DOCK8: variants seen among roughly 807,000 people sequenced by gnomAD.
The protein encoded by DOCK8 is dedicator of cytokinesis protein 8.
Under a neutral mutation model 245.6 loss-of-function variants are expected in DOCK8, and 141 were observed. That is an observed-to-expected ratio of 0.57 (90% confidence interval 0.50 to 0.66). The LOEUF is 0.66. Ranked by LOEUF, DOCK8 falls within the 30% of genes least tolerant of loss-of-function variation. DOCK8 has a pLI of 0.00. For missense variants in DOCK8, 2,965 were observed against 2,603.4 expected (o/e 1.14, Z -3.02); for synonymous variants, 1,168 against 970.2 (o/e 1.20, Z -3.79).
At chr9:425,965 G>A (rs1291605666) in intron 33 of DOCK8, among the ~76,000 whole-genome samples, 3 of 151,986 alleles carry the variant, frequency 2.0e-5, no homozygotes, top group Non-Finnish European at 2.9e-5. Flanking sequence ...TTAATGGGAC[G>A]CAAGAACAGG....
intron 4 of DOCK8, among the ~76,000 whole-genome samples, chr9:298,793 T>C (rs185066306): frequency 3.3e-5 from 5 of 152,278 alleles, no homozygotes; most frequent in African/African-American, 1.2e-4. Flanking sequence ...TTTAGGTAGC[T>C]GCTTCCTAAT....
In DOCK8 at chr9:377,185, A is replaced by G. The variant is rs1460321817; in HGVS notation, c.2414A>G (p.Gln805Arg). 6.2e-7 allele frequency: 1 copy of G among 1,600,042 alleles called. No homozygotes were observed. Among genetic ancestry groups the G allele is most frequent in the South Asian group, 1.1e-5 (1 of 90,324 alleles). ...VLDKLFQLSV[Q>R]PMVIAGQTAN... ...GACAAGCTCTTCCAGCTGTCCGTGC[A>G]GCCCATGGTCATCGCTGGCCAGACA... The change falls in exon 20 of 48, where the codon CAG (glutamine) becomes CGG (arginine). Residue 805 changes from glutamine to arginine, a missense_variant. By Grantham distance (43) the Gln-to-Arg change is conservative. Coordinates refer to ENST00000432829, the MANE Select transcript of DOCK8 (RefSeq NM_203447.4).
rs575314722 is a variant in DOCK8, at chr9:304,646, C to T, written c.470C>T (p.Thr157Met). Residue 157 changes from threonine (T) to methionine (M), a missense_variant, in exon 5 of 48, where the codon ACG (threonine) becomes ATG (methionine). Thr to Met is a moderately conservative substitution (Grantham distance 81). This residue lies in a region of DOCK8 where 2,825 missense variants were observed against 2,453.5 expected (regional missense o/e 1.15). Coordinates refer to ENST00000432829, the MANE Select transcript of DOCK8 (RefSeq NM_203447.4). ...GGATCTCGAAAAGATTTTCACAAGA[C>T]GCTTCCGAAACAGACGTTTGAGTCG... ...KTGSRKDFHKTLPKQTFESET... is the reference protein window; with the variant it reads ...KTGSRKDFHKMLPKQTFESET... 344 of 1,614,182 alleles carry T rather than the reference C, an allele frequency of 2.1e-4. 8 individuals are homozygous for T. The South Asian group carries it at 3.4e-3, about 16-fold the overall frequency.
intron 4 of DOCK8, among the ~76,000 whole-genome samples, chr9:303,283 G>C (rs947027407): frequency 3.9e-5 from 6 of 152,252 alleles, no homozygotes; most frequent in Non-Finnish European, 5.9e-5. Flanking sequence ...TCCCACTACT[G>C]GGTCTATACC....
At chr9:310,870 C>A (rs956046849) in intron 5 of DOCK8, among the ~76,000 whole-genome samples, 1 of 152,118 alleles carries the variant, frequency 6.6e-6, no homozygotes, top group African/African-American at 2.4e-5. Flanking sequence ...GACATTCACA[C>A]CTTTGTGATG....
intron 4 of DOCK8, among the ~76,000 whole-genome samples, chr9:298,144 G>T (rs1472300796): frequency 5.3e-5 from 8 of 152,200 alleles, no homozygotes; most frequent in African/African-American, 9.7e-5. Flanking sequence ...TGATTTTAGG[G>T]CCAGGTGGGG....
chr9:432,002 T>C (rs967228037), intron 36 of DOCK8, among the ~76,000 whole-genome samples, 164 bp from the exon 37 acceptor site: 1 of 152,192 alleles, frequency 6.6e-6, no homozygotes, highest in Non-Finnish European at 1.5e-5. Context: ...AATATGAATG[T>C]TGTGCAAAGT....
chr9:449,859 C>G lies in DOCK8; in HGVS notation c.5893C>G (p.Gln1965Glu). ...KTLQLAVAIN[Q>E]EPPDAKMLQM... ...CCTGCAGTTAGCAGTTGCCATTAAC[C>G]AGGAGCCGCCTGATGCAAAGATGCT... Residue 1965 changes from glutamine to glutamate, a missense_variant, in exon 45 of 48, where the codon CAG becomes GAG. Around this residue, in one of 3 missense-constraint regions of DOCK8, gnomAD observed 2,825 missense variants for 2,453.5 expected, o/e 1.15. Coordinates refer to ENST00000432829, the MANE Select transcript of DOCK8 (RefSeq NM_203447.4). 2.5e-6 allele frequency: 4 copies of G among 1,613,716 alleles called. No individual in the cohort carries two copies. Among genetic ancestry groups the G allele is most frequent in the Non-Finnish European group, 3.4e-6 (4 of 1,180,032 alleles).
intron 1 of DOCK8, among the ~76,000 whole-genome samples, chr9:251,119 G>A (rs2047634687): frequency 6.6e-6 from 1 of 152,128 alleles, no homozygotes; most frequent in Admixed American, 6.5e-5. Context: ...AAACATGAAT[G>A]CAATTTCTGT....
At chr9:374,123 A>G (rs755189038) in intron 18 of DOCK8, among the ~76,000 whole-genome samples, 1 of 152,210 alleles carries the variant, frequency 6.6e-6, no homozygotes, top group Non-Finnish European at 1.5e-5. Context: ...ATGCTTGCCA[A>G]ACAACAAACT....
intron 2 of DOCK8, among the ~76,000 whole-genome samples, chr9:274,636 A>G (rs1470592017): frequency 6.6e-6 from 1 of 150,852 alleles, no homozygotes; most frequent in Admixed American, 6.6e-5. Context: ...GAAATCATCA[A>G]CTTATGTGGT....
At position 307,338 on chromosome 9, in the gene DOCK8, G is replaced by GTTTTTTT. The variant is rs1165775428; in HGVS notation, c.528+2666_528+2672dup. Among the ~76,000 whole-genome samples, 75 of 51,194 alleles carry GTTTTTTT rather than the reference G, an allele frequency of 1.5e-3. 2 individuals carry two copies. The highest frequency in any genetic ancestry group is 2.0e-3 in the African/African-American group (34 of 17,316). The allele number at this position is 51,194 out of a possible 152,430, so 33.6% of individuals were successfully genotyped here. A position where few individuals can be genotyped will look rare whatever the true frequency, so the allele number is the denominator to read the frequency against. On this transcript the variant is annotated intron_variant, in intron 5 of 47. Transcript: ENST00000432829. ...CACTGTGTTGTGTGTGGTTTTTTTT[G>GTTTTTTT]TTTTTTTTTTTTTTTTTTTTTTTTT...
intron 1 of DOCK8, among the ~76,000 whole-genome samples, chr9:222,221 C>T (rs1165277033): frequency 2.6e-5 from 4 of 151,802 alleles, no homozygotes; most frequent in Non-Finnish European, 5.9e-5. Context: ...TATGATTGCG[C>T]CACTACTCTC....
chr9:303,970 C>G (rs1171428507), intron 4 of DOCK8, among the ~76,000 whole-genome samples: 1 of 152,080 alleles, frequency 6.6e-6, no homozygotes, highest in South Asian at 2.1e-4. Context: ...CATGTTTTAC[C>G]TTTCTTATGA....
chr9:220,717 C>CTTTTT (rs3046368), intron 1 of DOCK8: 36 of 360,446 alleles, frequency 1.0e-4, no homozygotes, highest in South Asian at 1.7e-4. Flanking sequence ...TAATTTCTTT[C>CTTTTT]TTTTTTTTTT....
At chr9:432,455 T>C in intron 37 of DOCK8, 131 bp downstream of exon 37, 1 of 896,390 alleles carries the variant, frequency 1.1e-6, no homozygotes, top group Non-Finnish European at 1.7e-6. Context: ...TTGTCCAATA[T>C]GCATGTGCTC....
In DOCK8 at chr9:379,643, C is replaced by T. The variant is rs10814494; in HGVS notation, c.2441-128C>T. Reference sequence around the variant, plus strand: ...GCATGCCAGAGCTCACCAAAACCATCTACCCTTCCCAGGCCTAGTTAAATT... The same window carrying T: ...GCATGCCAGAGCTCACCAAAACCATTTACCCTTCCCAGGCCTAGTTAAATT... On this transcript the variant is annotated intron_variant, in intron 20 of 47. Coordinates refer to ENST00000432829, the MANE Select transcript of DOCK8 (RefSeq NM_203447.4). 0.28 allele frequency: 284,849 copies of T among 1,017,904 alleles called. 42,321 individuals carry two copies. The highest frequency in any genetic ancestry group is 0.44 in the African/African-American group (27,611 of 63,122). The allele number at this position is 1,017,904 out of a possible 1,614,324, so 63.1% of individuals were successfully genotyped here.
At position 449,794 on chromosome 9, in the gene DOCK8, C is replaced by T. The variant is rs148368084; in HGVS notation, c.5828C>T (p.Thr1943Ile). 3.0e-4 allele frequency: 487 copies of T among 1,612,742 alleles called. No homozygotes were observed. The highest frequency in any genetic ancestry group is 4.0e-4 in the Non-Finnish European group (467 of 1,180,024). Residue 1943 changes from threonine (T) to isoleucine (I), a missense_variant, in exon 45 of 48, where the codon ACA becomes ATA. By Grantham distance (89) the Thr-to-Ile change is moderately conservative. Coordinates refer to ENST00000432829, the MANE Select transcript of DOCK8 (RefSeq NM_203447.4). ...ACGTCTCATGTTCAGTTTGTTTTGA[C>T]ACCGATTGAAGTTGCCATTGAAGAC... Reference protein sequence around the residue: ...SVIQKEEFVLTPIEVAIEDMK... With the variant: ...SVIQKEEFVLIPIEVAIEDMK...
Position 443,513 on chromosome 9 carries a change from C to G in DOCK8, c.5577C>G (p.Asn1859Lys). 6.2e-7 allele frequency: 1 copy of G among 1,613,554 alleles called. No individual in the cohort carries two copies. Among genetic ancestry groups the G allele is most frequent in the Non-Finnish European group, 8.5e-7 (1 of 1,179,574 alleles). The change falls in exon 43 of 48, where the codon AAC becomes AAG. Residue 1859 changes from asparagine to lysine, a missense_variant. This residue lies in a region of DOCK8 where 2,825 missense variants were observed against 2,453.5 expected (regional missense o/e 1.15). Coordinates refer to ENST00000432829, the MANE Select transcript of DOCK8 (RefSeq NM_203447.4). ...TPVDKTKLDPNKAYIQITFVE... is the reference protein window; with the variant it reads ...TPVDKTKLDPKKAYIQITFVE... Reference sequence around the variant, plus strand: ...TGGACAAAACCAAGTTGGATCCTAACAAGGTATACAAAAATTTACAAAAAC... The same window carrying G: ...TGGACAAAACCAAGTTGGATCCTAAGAAGGTATACAAAAATTTACAAAAAC...
Sources: gnomAD v4.1 joint callset for allele counts (sites outside exome capture counted in the v4.1 genomes callset) on GRCh38, gnomAD v4.1.1 for gene constraint, gnomAD v4.1.1 regional missense constraint, MANE v1.5 for transcripts, NCBI Gene and HGNC (gene_info 2026-07-23, HGNC 2026-07-21) for gene names.